DSG2: variants seen among roughly 807,000 people sequenced by gnomAD.
The protein encoded by DSG2 is desmoglein-2.
DSG2 carries 45 observed loss-of-function variants against 75.6 expected under a neutral mutation model. The observed-to-expected ratio is 0.60, with a 90% CI of 0.47 to 0.76. The LOEUF (loss-of-function observed/expected upper bound fraction) is 0.76. DSG2 is among the 30% of genes least tolerant of loss of function. DSG2 has a pLI of 0.00. For missense variants in DSG2, 1,267 were observed against 1,357.4 expected, an observed-to-expected ratio of 0.93 and a Z score of 1.05; for synonymous variants, 429 against 483.9, an observed-to-expected ratio of 0.89 and a Z score of 1.49.
chr18:31,543,602 A>G (rs1230878974), intron 14 of DSG2, among the ~76,000 whole-genome samples: 2 of 152,242 alleles, frequency 1.3e-5, no homozygotes, highest in Non-Finnish European at 2.9e-5. Context: ...ACAATGGCTC[A>G]TGCCTGTGAT....
At chr18:31,526,766 A>G (rs1414528560) in intron 8 of DSG2, among the ~76,000 whole-genome samples, 12 of 152,198 alleles carry the variant, frequency 7.9e-5, no homozygotes, top group Admixed American at 7.9e-4. Context: ...GGCCCCGTTA[A>G]ATTATCATGG....
At position 31,546,845 on chromosome 18, in the gene DSG2, C is replaced by CACAT. The variant is rs2144362401; in HGVS notation, c.*106_*109dup. 1 of 1,272,546 alleles carries CACAT rather than the reference C, an allele frequency of 7.9e-7. No homozygotes were observed. Among genetic ancestry groups the CACAT allele is most frequent in the African/African-American group, 1.5e-5 (1 of 67,464 alleles). 78.8% of individuals were successfully genotyped at this position (1,272,546 alleles called of 1,614,324 possible). ...CATGAGCCTTACAGACACACAGAGA[C>CACAT]ACATACACATTGATCTTAAAATTTT... On this transcript the variant is annotated 3_prime_UTR_variant, in exon 15 of 15. Transcript: ENST00000261590.
chr18:31,532,930 T>A (rs915077796), intron 9 of DSG2, among the ~76,000 whole-genome samples: 2 of 152,014 alleles, frequency 1.3e-5, no homozygotes, highest in Non-Finnish European at 2.9e-5. Flanking sequence ...TTTGTTTGTT[T>A]GTTTGTTTAG....
At chr18:31,541,343 GTCT>G (rs748547004) in intron 13 of DSG2, 29 bp downstream of exon 13, 6 of 1,613,186 alleles carry the variant, frequency 3.7e-6, no homozygotes, top group East Asian at 2.2e-5. Flanking sequence ...AATATGACTT[GTCT>G]TCTTCTTGGG....
Position 31,498,178 on chromosome 18 carries a change from A to T in DSG2, c.-74A>T. On this transcript the variant is annotated 5_prime_UTR_variant, in exon 1 of 15. Coordinates refer to ENST00000261590, the MANE Select transcript of DSG2 (RefSeq NM_001943.5). ...GGCCGGGGGGAGGCCGGGGCCAGGG[A>T]GGAGCCGAGTGCGCGCTCGGGGCAG... 8.3e-7 allele frequency: 1 copy of T among 1,201,530 alleles called. No individual in the cohort carries two copies. The highest frequency in any genetic ancestry group is 1.6e-5 in the African/African-American group (1 of 63,112). 74.4% of individuals were successfully genotyped at this position (1,201,530 alleles called of 1,614,324 possible).
At chr18:31,503,667 G>T (rs9304098) in intron 1 of DSG2, among the ~76,000 whole-genome samples, 73,533 of 151,870 alleles carry the variant, frequency 0.48, 18,543 homozygotes, top group African/African-American at 0.62. Context: ...AAGTATAATT[G>T]CGCCCAGTTA....
intron 8 of DSG2, among the ~76,000 whole-genome samples, chr18:31,525,909 G>A (rs759143879): frequency 2.6e-5 from 4 of 152,238 alleles, no homozygotes; most frequent in East Asian, 1.9e-4. Context: ...TTGGGAGGCC[G>A]AGGAGGGCGG....
intron 1 of DSG2, among the ~76,000 whole-genome samples, chr18:31,511,149 T>C (rs897738927): frequency 1.3e-5 from 2 of 152,210 alleles, no homozygotes; most frequent in Non-Finnish European, 2.9e-5. Context: ...ACCCTGGTTA[T>C]TACAGTAGCT....
At chr18:31,507,172 G>C (rs1305668878) in intron 1 of DSG2, among the ~76,000 whole-genome samples, 1 of 152,104 alleles carries the variant, frequency 6.6e-6, no homozygotes, top group Non-Finnish European at 1.5e-5. Flanking sequence ...GTGAGAACAT[G>C]TGGTGTTTGG....
chr18:31,536,524 C>A, intron 11 of DSG2, 95 bp downstream of exon 11: 3 of 1,302,192 alleles, frequency 2.3e-6, no homozygotes, highest in Non-Finnish European at 3.2e-6. Context: ...ATTATATTTC[C>A]AATATAGTTT....
chr18:31,546,977 G>A lies in DSG2; in HGVS notation c.*234G>A. 3.4e-6 allele frequency: 2 copies of A among 590,954 alleles called. No individual in the cohort carries two copies. Among genetic ancestry groups the A allele is most frequent in the South Asian group, 3.8e-5 (2 of 52,314 alleles). 36.6% of individuals were successfully genotyped at this position (590,954 alleles called of 1,614,324 possible). ...ATAGAGATGATGCTGCTGCTTAGGT[G>A]CCTTTTAGCAAGCTATGCAAACAAT... On this transcript the variant is annotated 3_prime_UTR_variant, in exon 15 of 15. Coordinates refer to ENST00000261590, the MANE Select transcript of DSG2 (RefSeq NM_001943.5).
intron 10 of DSG2, among the ~76,000 whole-genome samples, chr18:31,535,864 A>C (rs1199041141): frequency 6.6e-6 from 1 of 152,130 alleles, no homozygotes; most frequent in East Asian, 1.9e-4. Flanking sequence ...TGGTTGGAAC[A>C]CTTGAGCCCA....
intron 1 of DSG2, among the ~76,000 whole-genome samples, chr18:31,508,231 G>T (rs192069081): frequency 6.6e-6 from 1 of 152,206 alleles, no homozygotes; most frequent in South Asian, 2.1e-4. Context: ...AGAAGAAGAG[G>T]TATAAACCAG....
At chr18:31,545,468 T>C (rs2073297986) in intron 14 of DSG2, among the ~76,000 whole-genome samples, 1 of 152,228 alleles carries the variant, frequency 6.6e-6, no homozygotes, top group South Asian at 2.1e-4. Context: ...TTAGTTGTCC[T>C]GACACTTTAG....
At position 31,524,537 on chromosome 18, in the gene DSG2, T is replaced by G; in HGVS notation, c.780T>G (p.Ile260Met). The part of the protein sequence containing the change: ...DKPVKQAQVQ[I>M]RILDVNDNIP... ...CTGTAAAACAAGCTCAAGTTCAGAT[T>G]CGTATTTTGGATGTCAATGACAATA... Residue 260 changes from isoleucine (I) to methionine (M), a missense_variant, in exon 7 of 15, where the codon ATT becomes ATG. Transcript: ENST00000261590. The G allele has an allele frequency of 3.7e-6, 6 of 1,614,140 alleles. No individual in the cohort carries two copies. Among genetic ancestry groups the G allele is most frequent in the Non-Finnish European group, 4.2e-6 (5 of 1,180,000 alleles).
intron 1 of DSG2, among the ~76,000 whole-genome samples, chr18:31,516,492 A>G (rs575923630): frequency 1.3e-5 from 2 of 152,342 alleles, no homozygotes; most frequent in South Asian, 4.1e-4. Context: ...GAAATGCAAT[A>G]AGGGTAAGGC....
intron 2 of DSG2, 146 bp from the exon 3 acceptor site, chr18:31,519,657 C>A: frequency 1.3e-6 from 1 of 799,010 alleles, no homozygotes; most frequent in Non-Finnish European, 2.1e-6. Context: ...TATATATATT[C>A]CCTTTTAGAC....
intron 1 of DSG2, 128 bp downstream of exon 1, chr18:31,498,424 C>A: frequency 9.5e-7 from 1 of 1,048,382 alleles, no homozygotes; most frequent in Non-Finnish European, 1.2e-6. Context: ...CTTCCTGCTG[C>A]CCGAGGGGGG....
Position 31,498,286 on chromosome 18 carries a change from T to C in DSG2, c.35T>C (p.Leu12Pro). Residue 12 changes from leucine to proline, a missense_variant, in exon 1 of 15, where the codon CTG (leucine) becomes CCG (proline). Leu to Pro is a moderately conservative substitution (Grantham distance 98). Transcript: ENST00000261590. ...ARSPGRAYALLLLLICFNVGS... is the reference protein window; with the variant it reads ...ARSPGRAYALPLLLICFNVGS... ...AGCCCGGGACGCGCGTACGCCCTGC[T>C]GCTTCTCCTGGTAAGTGCCGCAAGC... is the stretch of plus-strand genomic sequence containing the variant. 1 of 1,265,624 alleles carries C rather than the reference T, an allele frequency of 7.9e-7. No individual in the cohort carries two copies. Among genetic ancestry groups the C allele is most frequent in the Non-Finnish European group, 1.0e-6 (1 of 1,000,620 alleles). 78.4% of individuals were successfully genotyped at this position (1,265,624 alleles called of 1,614,324 possible).
Sources: allele counts gnomAD v4.1 joint callset (sites outside exome capture counted in the v4.1 genomes callset), GRCh38; gene constraint gnomAD v4.1.1; transcripts MANE v1.5; gene names NCBI Gene and HGNC (gene_info 2026-07-23, HGNC 2026-07-21).